The following ODAD2 variants were observed in gnomAD, a reference collection of about 807,000 sequenced individuals.
ODAD2 encodes outer dynein arm docking complex subunit 2.
In ODAD2, 89 loss-of-function variants were observed where a neutral mutation model predicts 106.8. The observed-to-expected ratio is 0.83, with a 90% CI of 0.70 to 0.99. The LOEUF is 0.99. Ranked by LOEUF, ODAD2 falls within the 50% of genes least tolerant of loss-of-function variation. The pLI is 0.00. For missense variants in ODAD2, 1,168 were observed against 1,238.5 expected, an observed-to-expected ratio of 0.94 and a Z score of 0.85; for synonymous variants, 404 against 436.2, an observed-to-expected ratio of 0.93 and a Z score of 0.92.
intron 17 of ODAD2, among the ~76,000 whole-genome samples, 189 bp downstream of exon 17, chr10:27,907,474 C>T (rs1412944044): frequency 6.6e-6 from 1 of 151,642 alleles, no homozygotes; most frequent in African/African-American, 2.4e-5. Context: ...GCTAGTTTTG[C>T]TTTGCATTTT....
At chr10:27,920,926 G>T (rs1844733888) in intron 16 of ODAD2, among the ~76,000 whole-genome samples, 1 of 151,800 alleles carries the variant, frequency 6.6e-6, no homozygotes, top group Non-Finnish European at 1.5e-5. Context: ...GAAATTTAGA[G>T]TTACAGATTC....
At chr10:27,825,949 C>T (rs1837006726) in intron 19 of ODAD2, among the ~76,000 whole-genome samples, 1 of 152,134 alleles carries the variant, frequency 6.6e-6, no homozygotes, top group African/African-American at 2.4e-5. Flanking sequence ...ACAAACAAGA[C>T]AAAAATATTT....
Position 27,992,957 on chromosome 10 carries a change from C to T in ODAD2, c.224+1962G>A, listed in dbSNP as rs550609481. Among the ~76,000 whole-genome samples the T allele has an allele frequency of 5.4e-4, 82 of 152,096 alleles. 2 individuals are homozygous for T. The South Asian group carries it at 0.017, about 31-fold the overall frequency. ...TTTTGAGATGGAGTTTCTCTGTCAC[C>T]CAGGCTGGAGTTCTGTGGTGCAATC... is the stretch of plus-strand genomic sequence containing the variant. On this transcript the variant is annotated intron_variant, in intron 2 of 19. Transcript: ENST00000305242.
Position 27,828,387 on chromosome 10 carries a change from C to T in ODAD2, c.3022-15762G>A, listed in dbSNP as rs1473360899. 5.3e-5 allele frequency among the ~76,000 whole-genome samples: 8 copies of T among 152,120 alleles called. No individual in the cohort carries two copies. The East Asian group carries it at 1.5e-3, about 29-fold the overall frequency. ...GAGGGAATAGTCAGTGTCAGAACTT[C>T]CAGCTTCTGGAGAAGTCAAAATGAG... is the stretch of plus-strand genomic sequence containing the variant. On this transcript the variant is annotated intron_variant, in intron 19 of 19. Coordinates refer to ENST00000305242, the MANE Select transcript of ODAD2 (RefSeq NM_018076.5).
chr10:27,921,779 A>C (rs2133967027), intron 16 of ODAD2, among the ~76,000 whole-genome samples: 1 of 151,982 alleles, frequency 6.6e-6, no homozygotes, highest in South Asian at 2.1e-4. Flanking sequence ...AAATAATTAG[A>C]CAAGCATCAG....
Position 27,812,168 on chromosome 10 carries a change from T to C in ODAD2, c.*344A>G, listed in dbSNP as rs561145249. On this transcript the variant is annotated 3_prime_UTR_variant, in exon 20 of 20. Coordinates refer to ENST00000305242, the MANE Select transcript of ODAD2 (RefSeq NM_018076.5). ...TCATGAACAACTATGAAACTGTGCA[T>C]TGGGAAGGCCATATCCTTTTTATTA... The C allele has an allele frequency of 6.2e-4, 143 of 231,416 alleles. 4 individuals are homozygous for C. The South Asian group carries it at 7.1e-3, about 12-fold the overall frequency. 14.3% of individuals were successfully genotyped at this position (231,416 alleles called of 1,614,324 possible).
intron 17 of ODAD2, among the ~76,000 whole-genome samples, chr10:27,880,856 C>T (rs1841656741): frequency 6.6e-6 from 1 of 152,072 alleles, no homozygotes; most frequent in African/African-American, 2.4e-5. Context: ...ATCAAGTCAC[C>T]CAAGTTGCAC....
At chr10:27,822,816 A>C (rs1232376083) in intron 19 of ODAD2, among the ~76,000 whole-genome samples, 2 of 152,210 alleles carry the variant, frequency 1.3e-5, no homozygotes, top group Admixed American at 6.5e-5. Context: ...TCTGAGGTCC[A>C]TGTCTGCAAA....
chr10:27,835,494 T>C, intron 19 of ODAD2, among the ~76,000 whole-genome samples: 1 of 152,116 alleles, frequency 6.6e-6, no homozygotes, highest in East Asian at 1.9e-4. Flanking sequence ...AGTTGATGTC[T>C]GAAAAATGTG....
At chr10:27,904,243 G>A (rs754371287) in intron 17 of ODAD2, 18 of 406,826 alleles carry the variant, frequency 4.4e-5, no homozygotes, top group Admixed American at 2.4e-4. Context: ...CAGACTTTCT[G>A]TAAGAAGTGT....
chr10:27,928,043 A>G (rs1267750036), intron 16 of ODAD2, among the ~76,000 whole-genome samples: 1 of 152,136 alleles, frequency 6.6e-6, no homozygotes, highest in Non-Finnish European at 1.5e-5. Flanking sequence ...CAATGTCTCT[A>G]CACAACCATA....
At chr10:27,826,659 A>G (rs1837070069) in intron 19 of ODAD2, among the ~76,000 whole-genome samples, 1 of 151,630 alleles carries the variant, frequency 6.6e-6, no homozygotes, top group East Asian at 1.9e-4. Flanking sequence ...GCCCAGGCTC[A>G]TCTCCTTGCC....
At chr10:27,984,386 TG>T in intron 4 of ODAD2, 96 bp from the exon 5 acceptor site, 1 of 870,734 alleles carries the variant, frequency 1.1e-6, no homozygotes. Flanking sequence ...ATATCTTTTT[TG>T]TAATTAAAAT....
At chr10:27,937,339 C>CT (rs57375404) in intron 14 of ODAD2, among the ~76,000 whole-genome samples, 18,830 of 132,676 alleles carry the variant, frequency 0.14, 1,491 homozygotes, top group Non-Finnish European at 0.18. Context: ...TTTCTTTTTT[C>CT]TTTTTTTTTT....
chr10:27,876,262 G>A (rs1196278469), intron 17 of ODAD2, among the ~76,000 whole-genome samples: 1 of 152,160 alleles, frequency 6.6e-6, no homozygotes, highest in Non-Finnish European at 1.5e-5. Context: ...GTGGGTCCCT[G>A]ACTCCCGAGT....
At chr10:27,815,937 AT>A (rs1374837955) in intron 19 of ODAD2, among the ~76,000 whole-genome samples, 1 of 152,134 alleles carries the variant, frequency 6.6e-6, no homozygotes, top group African/African-American at 2.4e-5. Context: ...TCCAAATGAA[AT>A]TTTTTATTTT....
chr10:27,990,533 G>A (rs1403152651), intron 2 of ODAD2, among the ~76,000 whole-genome samples: 1 of 152,132 alleles, frequency 6.6e-6, no homozygotes, highest in Admixed American at 6.6e-5. Flanking sequence ...TAGAAAATAA[G>A]GCTATAGCTA....
chr10:27,844,603 T>C (rs1838578104), intron 19 of ODAD2, among the ~76,000 whole-genome samples: 1 of 152,212 alleles, frequency 6.6e-6, no homozygotes, highest in South Asian at 2.1e-4. Flanking sequence ...TATTTAATCT[T>C]TATGAAACTC....
chr10:27,950,446 G>A (rs775654977), intron 10 of ODAD2, among the ~76,000 whole-genome samples: 1 of 152,162 alleles, frequency 6.6e-6, no homozygotes, highest in Non-Finnish European at 1.5e-5. Context: ...AGGAGAAAGA[G>A]AGAATACTGT....
Sources: gnomAD v4.1 joint callset for allele counts (sites outside exome capture counted in the v4.1 genomes callset) on GRCh38, gnomAD v4.1.1 for gene constraint, MANE v1.5 for transcripts, NCBI Gene and HGNC (gene_info 2026-07-23, HGNC 2026-07-21) for gene names.